The following BICD2 variants were observed in gnomAD, a reference collection of about 807,000 sequenced individuals.
BICD2 encodes the protein protein bicaudal D homolog 2.
In BICD2, 25 loss-of-function variants were observed where a neutral mutation model predicts 72.9. That is an observed-to-expected ratio of 0.34 (90% CI 0.25 to 0.48). BICD2 has a LOEUF of 0.48. Ranked by LOEUF, BICD2 falls within the 20% of genes least tolerant of loss-of-function variation. The pLI is 0.99. For missense variants in BICD2, 894 were observed against 1,175.2 expected, an observed-to-expected ratio of 0.76 and a Z score of 3.50; for synonymous variants, 501 against 516.1, an observed-to-expected ratio of 0.97 and a Z score of 0.40.
intron 6 of BICD2, among the ~76,000 whole-genome samples, chr9:92,717,459 T>C (rs1022495088): frequency 1.3e-5 from 2 of 152,240 alleles, no homozygotes; most frequent in African/African-American, 2.4e-5. Context: ...CCCGGCCACA[T>C]GTGGGCACCT....
At chr9:92,724,013 A>G (rs1362627209) in intron 2 of BICD2, among the ~76,000 whole-genome samples, 2 of 152,148 alleles carry the variant, frequency 1.3e-5, no homozygotes, top group African/African-American at 4.8e-5. Context: ...GACGTTGCCA[A>G]TGTCCCCCAG....
chr9:92,763,540 G>C (rs1343445306), intron 1 of BICD2, among the ~76,000 whole-genome samples: 2 of 152,174 alleles, frequency 1.3e-5, no homozygotes, highest in African/African-American at 4.8e-5. Context: ...ACTAGCAAGG[G>C]GCACAGCCTG....
chr9:92,715,187 G>T lies in BICD2; in HGVS notation c.2535C>A (p.Phe845Leu). The T allele has an allele frequency of 6.2e-7, 1 of 1,607,458 alleles. No homozygotes were observed. The highest frequency in any genetic ancestry group is 8.5e-7 in the Non-Finnish European group (1 of 1,175,752). ...AEGTGLANQVFCSEKHSIYCD is the reference protein window; with the variant it reads ...AEGTGLANQVLCSEKHSIYCD The stretch of plus-strand genomic sequence containing the variant: ...AGTAAATGCTGTGCTTCTCGCTGCA[G>T]AACACCTGGTTGGCCAGCCCGGTGC... The change falls in exon 7 of 7, where the codon TTC becomes TTA. Residue 845 changes from phenylalanine (F) to leucine (L), a missense_variant. By Grantham distance (22) the Phe-to-Leu change is conservative. Around this residue, in one of 5 missense-constraint regions of BICD2, gnomAD observed 321 missense variants for 443.9 expected, o/e 0.72. Transcript: ENST00000356884.
At chr9:92,730,765 G>C (rs1284097358) in intron 1 of BICD2, among the ~76,000 whole-genome samples, 3 of 152,180 alleles carry the variant, frequency 2.0e-5, no homozygotes, top group Non-Finnish European at 2.9e-5. Flanking sequence ...TGCACGGGGG[G>C]ACTCGGGATT....
chr9:92,763,748 C>T (rs1250136372), intron 1 of BICD2, among the ~76,000 whole-genome samples: 1 of 152,138 alleles, frequency 6.6e-6, no homozygotes, highest in Non-Finnish European at 1.5e-5. Context: ...GGTCTCCGTC[C>T]AAGAGGAACA....
intron 1 of BICD2, among the ~76,000 whole-genome samples, chr9:92,752,449 T>C (rs566652645): frequency 6.6e-6 from 1 of 152,258 alleles, no homozygotes; most frequent in East Asian, 1.9e-4. Flanking sequence ...TGAGGTAATG[T>C]TGGATTATAA....
At chr9:92,736,997 C>G (rs1049059100) in intron 1 of BICD2, among the ~76,000 whole-genome samples, 1 of 151,856 alleles carries the variant, frequency 6.6e-6, no homozygotes, top group African/African-American at 2.4e-5. Context: ...CCCCACCCCA[C>G]CCAAACCCCT....
At chr9:92,762,682 A>C (rs1372969663) in intron 1 of BICD2, among the ~76,000 whole-genome samples, 1 of 152,216 alleles carries the variant, frequency 6.6e-6, no homozygotes, top group African/African-American at 2.4e-5. Context: ...AATAGCAAAG[A>C]CCTGACAAAT....
Position 92,720,449 on chromosome 9 carries a change from G to A in BICD2, c.913C>T (p.His305Tyr). 1 of 1,614,198 alleles carries A rather than the reference G, an allele frequency of 6.2e-7. No homozygotes were observed. Among genetic ancestry groups the A allele is most frequent in the Non-Finnish European group, 8.5e-7 (1 of 1,180,044 alleles). The change falls in exon 4 of 7, where the codon CAC (histidine) becomes TAC (tyrosine). Residue 305 changes from histidine (H) to tyrosine (Y), a missense_variant. By Grantham distance (83) the His-to-Tyr change is moderately conservative (BLOSUM62 2). This residue lies in a region of BICD2 where 371 missense variants were observed against 439.1 expected (regional missense o/e 0.84). Transcript: ENST00000356884. The surrounding 1 kb of genome is among the most constrained non-coding windows in gnomAD (Gnocchi z 5.4). ...AGTGGCAGCTTGGCCAGGCCGCCGTGCTCAAAGCCATTGACCAGGGCCTCG... is the reference window on the plus strand; with the variant it reads ...AGTGGCAGCTTGGCCAGGCCGCCGTACTCAAAGCCATTGACCAGGGCCTCG... Reference protein sequence around the residue: ...DAEALVNGFEHGGLAKLPLDN... With the variant: ...DAEALVNGFEYGGLAKLPLDN...
At chr9:92,760,296 C>CGAGCT (rs1329778532) in intron 1 of BICD2, among the ~76,000 whole-genome samples, 2 of 152,344 alleles carry the variant, frequency 1.3e-5, no homozygotes, top group Admixed American at 1.3e-4. Context: ...TCCCCAAAGA[C>CGAGCT]GAGCTGCTCC....
At chr9:92,740,486 C>A (rs967326152) in intron 1 of BICD2, among the ~76,000 whole-genome samples, 1 of 151,510 alleles carries the variant, frequency 6.6e-6, no homozygotes, top group African/African-American at 2.4e-5. Flanking sequence ...AGAAACAAAT[C>A]ATATCAAAAC....
At position 92,712,934 on chromosome 9, in the gene BICD2, T is replaced by C. The variant is rs1485870033; in HGVS notation, c.*2220A>G. 1 of 154,532 alleles carries C rather than the reference T, an allele frequency of 6.5e-6. No homozygotes were observed. Among genetic ancestry groups the C allele is most frequent in the Non-Finnish European group, 1.4e-5 (1 of 69,410 alleles). 9.6% of individuals were successfully genotyped at this position (154,532 alleles called of 1,614,324 possible). On this transcript the variant is annotated 3_prime_UTR_variant, in exon 7 of 7. Coordinates refer to ENST00000356884, the MANE Select transcript of BICD2 (RefSeq NM_001003800.2). ...GCTCCTCGCTGGGTCAAAGCACTCA[T>C]CTCCGAGTCTAAAGCTACACGCTAT... is the stretch of plus-strand genomic sequence containing the variant.
rs138960289 is a variant in BICD2 at position 92,715,591 on chromosome 9, G to C, written c.2259-128C>G. 7.9e-3 allele frequency: 7,205 copies of C among 914,918 alleles called. 36 individuals carry two copies. The highest frequency in any genetic ancestry group is 0.01 in the Non-Finnish European group (6,365 of 616,042). 56.7% of individuals were successfully genotyped at this position (914,918 alleles called of 1,614,324 possible). Reference sequence around the variant, plus strand: ...GAGCCATCCTTCAATGTGGCCTCTGGACTGGAGGGTGTGGCTGGGGAAGAA... The same window carrying C: ...GAGCCATCCTTCAATGTGGCCTCTGCACTGGAGGGTGTGGCTGGGGAAGAA... On this transcript the variant is annotated intron_variant, in intron 6 of 6. Transcript: ENST00000356884.
chr9:92,752,794 T>C (rs908929241), intron 1 of BICD2, among the ~76,000 whole-genome samples: 5 of 152,102 alleles, frequency 3.3e-5, no homozygotes, highest in African/African-American at 1.2e-4. Context: ...TGAGTCTACA[T>C]TGATATAATA....
chr9:92,719,167 C>T lies in BICD2; in HGVS notation c.1478G>A (p.Arg493His), dbSNP rs756162689. 9 of 1,610,952 alleles carry T rather than the reference C, an allele frequency of 5.6e-6. No individual in the cohort carries two copies. The highest frequency in any genetic ancestry group is 2.7e-5 in the African/African-American group (2 of 74,936). The change falls in exon 5 of 7, where the codon CGC becomes CAC. Residue 493 changes from arginine (R) to histidine (H), a missense_variant. Transcript: ENST00000356884. ...CCGGGCCAGCAGCTCGCGGTCCTGG[C>T]GGCTGGCCTTCTCTAGCAGGGAGAC... ...EKVSLLEKAS[R>H]QDRELLARLE...
chr9:92,725,327 T>C (rs1853546953), intron 2 of BICD2, among the ~76,000 whole-genome samples: 1 of 152,198 alleles, frequency 6.6e-6, no homozygotes, highest in African/African-American at 2.4e-5. Context: ...GGCCATACCA[T>C]GTCATGGGTG....
At chr9:92,761,562 A>T (rs1854373280) in intron 1 of BICD2, among the ~76,000 whole-genome samples, 1 of 152,194 alleles carries the variant, frequency 6.6e-6, no homozygotes, top group African/African-American at 2.4e-5. Context: ...TCCCCTGACC[A>T]TGAGGACCAC....
intron 1 of BICD2, among the ~76,000 whole-genome samples, chr9:92,747,534 C>A (rs1223447586): frequency 2.0e-5 from 3 of 152,158 alleles, no homozygotes; most frequent in African/African-American, 7.2e-5. Flanking sequence ...GCCAGACTCA[C>A]CGGGCAGGAT....
intron 2 of BICD2, among the ~76,000 whole-genome samples, chr9:92,725,207 G>A (rs1203423771): frequency 6.6e-6 from 1 of 152,248 alleles, no homozygotes; most frequent in East Asian, 1.9e-4. Flanking sequence ...GCTCATGTGA[G>A]TCCTCAGGGT....
Sources: gnomAD v4.1 joint callset for allele counts (sites outside exome capture counted in the v4.1 genomes callset) on GRCh38, gnomAD v4.1.1 for gene constraint, gnomAD v4.1.1 regional missense constraint, Gnocchi (gnomAD v3.1) non-coding constraint, MANE v1.5 for transcripts, NCBI Gene and HGNC (gene_info 2026-07-23, HGNC 2026-07-21) for gene names.